Variants in ZNRF3 observed in about 807,000 individuals in gnomAD.
The protein encoded by ZNRF3 is E3 ubiquitin-protein ligase ZNRF3.
Under a neutral mutation model 72.5 loss-of-function variants are expected in ZNRF3, and 23 were observed. The ratio of observed to expected loss-of-function variants is 0.32; its 90% confidence interval spans 0.23 to 0.45. ZNRF3 has a LOEUF of 0.45. Among genes scored for constraint, ZNRF3 ranks in the 20% least tolerant of loss-of-function variants. The probability of loss-of-function intolerance (pLI) is 1.00; values close to 1 mark genes in which losing one functional copy is unlikely to be tolerated. For synonymous variants in ZNRF3, 610 were observed against 545.3 expected (o/e 1.12, Z -1.65); for missense variants, 1,169 against 1,272.1 (o/e 0.92, Z 1.23).
At chr22:28,905,904 G>C (rs1228094695) in intron 1 of ZNRF3, among the ~76,000 whole-genome samples, 2 of 152,184 alleles carry the variant, frequency 1.3e-5, no homozygotes, top group Non-Finnish European at 1.5e-5. Flanking sequence ...AGTGCAGAGA[G>C]GTTTATACAG....
rs79187544 is a variant in ZNRF3, at chr22:28,896,336, T to C, written c.300+12270T>C. 7.7e-3 allele frequency among the ~76,000 whole-genome samples: 1,178 copies of C among 152,294 alleles called. 17 individuals carry two copies. The highest frequency in any genetic ancestry group is 0.027 in the African/African-American group (1,130 of 41,580). On this transcript the variant is annotated intron_variant, in intron 1 of 8. Transcript: ENST00000544604. Reference sequence around the variant, plus strand: ...TTTTAGTAGAGACAGGGTTTCACCATGTTGGCCAGGATGGTCTCGATCTCT... The same window carrying C: ...TTTTAGTAGAGACAGGGTTTCACCACGTTGGCCAGGATGGTCTCGATCTCT...
rs552439732 is a variant in ZNRF3 at position 28,974,252 on chromosome 22, T to C, written c.301-12824T>C. Among the ~76,000 whole-genome samples, 13 of 152,320 alleles carry C rather than the reference T, an allele frequency of 8.5e-5. No homozygotes were observed. The South Asian group carries it at 2.7e-3, about 32-fold the overall frequency. On this transcript the variant is annotated intron_variant, in intron 1 of 8. Transcript: ENST00000544604. ...CTGGGATTACAGGCATGAGCCACGA[T>C]GCCTGGCTGGAATGCATCTCTTTGA...
intron 2 of ZNRF3, among the ~76,000 whole-genome samples, chr22:29,002,138 A>T (rs938940298): frequency 6.6e-6 from 1 of 152,176 alleles, no homozygotes; most frequent in African/African-American, 2.4e-5. Flanking sequence ...ATCCTTATGT[A>T]TGTCGATGGT....
chr22:28,934,016 A>T (rs2034774188), intron 1 of ZNRF3, among the ~76,000 whole-genome samples: 1 of 151,856 alleles, frequency 6.6e-6, no homozygotes, highest in Admixed American at 6.6e-5. Flanking sequence ...GGAAGGAACA[A>T]AGAGGGTACT....
intron 2 of ZNRF3, among the ~76,000 whole-genome samples, chr22:29,028,066 T>C (rs928896673): frequency 2.6e-5 from 4 of 152,198 alleles, no homozygotes; most frequent in Non-Finnish European, 5.9e-5. Flanking sequence ...TAAACTCTAC[T>C]AATACAAAAT....
chr22:28,917,821 G>A (rs1292780955), intron 1 of ZNRF3, among the ~76,000 whole-genome samples: 1 of 152,246 alleles, frequency 6.6e-6, no homozygotes, highest in Non-Finnish European at 1.5e-5. Flanking sequence ...AACAGGCTCA[G>A]TCGTTAGAAC....
In ZNRF3 at chr22:29,050,713, G is replaced by A. The variant is rs371526697; in HGVS notation, c.2532G>A (p.Ser844=). ...TGGACTGTGATCTGGGCCTGCCCTC[G>A]GACTGCCAAGGGACCCACAGCCTCG... ...EDVDCDLGLP[S]DCQGTHSLGS... Residue 844 remains serine, a synonymous_variant, in exon 8 of 9, where the codon TCG becomes TCA. Transcript: ENST00000544604. 3.7e-6 allele frequency: 6 copies of A among 1,611,484 alleles called. No homozygotes were observed. The highest frequency in any genetic ancestry group is 2.2e-5 in the East Asian group (1 of 44,790).
intron 1 of ZNRF3, among the ~76,000 whole-genome samples, chr22:28,944,773 A>T (rs1390434515): frequency 3.3e-5 from 4 of 120,600 alleles, no homozygotes; most frequent in Non-Finnish European, 7.4e-5. Flanking sequence ...AAAAAAAAAA[A>T]GATTAGCGGG....
chr22:28,988,464 T>C (rs2035895008), intron 2 of ZNRF3, among the ~76,000 whole-genome samples: 1 of 152,184 alleles, frequency 6.6e-6, no homozygotes, highest in Non-Finnish European at 1.5e-5. Flanking sequence ...TTTGCATCCC[T>C]CTTGTCTTCT....
intron 1 of ZNRF3, among the ~76,000 whole-genome samples, chr22:28,895,751 G>C (rs941875488): frequency 1.3e-5 from 2 of 152,078 alleles, no homozygotes; most frequent in African/African-American, 2.4e-5. Context: ...GGTCTTAAGA[G>C]CTGGGATTAG....
intron 2 of ZNRF3, among the ~76,000 whole-genome samples, chr22:29,012,272 C>T (rs921276064): frequency 6.6e-6 from 1 of 152,238 alleles, no homozygotes; most frequent in Non-Finnish European, 1.5e-5. Flanking sequence ...CTCTTATCTC[C>T]TCAGCCTTCT....
intron 1 of ZNRF3, among the ~76,000 whole-genome samples, chr22:28,934,518 G>A (rs764870674): frequency 2.0e-5 from 3 of 152,094 alleles, no homozygotes; most frequent in South Asian, 2.1e-4. Context: ...TCTAAACAGC[G>A]AAAAAGTATA....
At chr22:29,038,415 C>T (rs2036902205) in intron 2 of ZNRF3, among the ~76,000 whole-genome samples, 1 of 151,540 alleles carries the variant, frequency 6.6e-6, no homozygotes, top group South Asian at 2.1e-4. Flanking sequence ...TGGCTCACTA[C>T]AGCTTCAACC....
At chr22:28,979,011 A>G (rs2035722366) in intron 1 of ZNRF3, among the ~76,000 whole-genome samples, 2 of 151,700 alleles carry the variant, frequency 1.3e-5, no homozygotes, top group Non-Finnish European at 2.9e-5. Flanking sequence ...CCATTACTTT[A>G]GTTTGCTGTA....
chr22:28,923,312 C>T (rs2034540967), intron 1 of ZNRF3, among the ~76,000 whole-genome samples: 1 of 152,128 alleles, frequency 6.6e-6, no homozygotes, highest in South Asian at 2.1e-4. Context: ...TGCCCCTCCC[C>T]ATGCAGGGAT....
intron 1 of ZNRF3, among the ~76,000 whole-genome samples, chr22:28,899,294 C>G (rs2034060665): frequency 6.6e-6 from 1 of 152,188 alleles, no homozygotes; most frequent in African/African-American, 2.4e-5. Flanking sequence ...AATTTGCAGT[C>G]TCAACATTGC....
intron 2 of ZNRF3, among the ~76,000 whole-genome samples, chr22:29,007,883 A>G (rs2036287554): frequency 6.6e-6 from 1 of 150,812 alleles, no homozygotes. Flanking sequence ...CAGCCTCCCA[A>G]GTAGCTAGGA....
At chr22:28,935,379 G>A (rs1408661363) in intron 1 of ZNRF3, among the ~76,000 whole-genome samples, 1 of 152,196 alleles carries the variant, frequency 6.6e-6, no homozygotes, top group Non-Finnish European at 1.5e-5. Flanking sequence ...GTGTGGTGAA[G>A]CCTACTCGTT....
intron 6 of ZNRF3, among the ~76,000 whole-genome samples, chr22:29,047,206 A>C (rs980697972): frequency 2.0e-5 from 3 of 152,186 alleles, no homozygotes; most frequent in Non-Finnish European, 4.4e-5. Context: ...GCAGTGAGCT[A>C]TTATTACACC....
Sources: gnomAD v4.1 joint callset for allele counts (sites outside exome capture counted in the v4.1 genomes callset) on GRCh38, gnomAD v4.1.1 for gene constraint, MANE v1.5 for transcripts, NCBI Gene and HGNC (gene_info 2026-07-23, HGNC 2026-07-21) for gene names.